SPPL2B: variants seen among roughly 807,000 people sequenced by gnomAD.
SPPL2B encodes the protein signal peptide peptidase like 2B, also known as signal peptide peptidase-like 2B.
In SPPL2B, 39 loss-of-function variants were observed where a neutral mutation model predicts 59.7. The ratio of observed to expected loss-of-function variants is 0.65; its 90% CI spans 0.51 to 0.85. The LOEUF is 0.85. Among genes scored for constraint, SPPL2B ranks in the 40% least tolerant of loss-of-function variants. SPPL2B has a pLI of 0.00. For synonymous variants in SPPL2B, 419 were observed against 370.8 expected (o/e 1.13, Z -1.49); for missense variants, 865 against 849.0 (o/e 1.02, Z -0.23).
chr19:2,339,441 G>T (rs1968877980), intron 5 of SPPL2B, among the ~76,000 whole-genome samples: 1 of 152,136 alleles, frequency 6.6e-6, no homozygotes, highest in South Asian at 2.1e-4. Flanking sequence ...TGTGGATGTG[G>T]CAGGTACGGG....
chr19:2,330,494 G>C (rs1314425675), intron 1 of SPPL2B: 1 of 152,450 alleles, frequency 6.6e-6, no homozygotes, highest in East Asian at 1.9e-4. Flanking sequence ...ACCAGAAGCA[G>C]CATAAGCGGG....
Position 2,337,594 on chromosome 19 carries a change from G to T in SPPL2B, c.338G>T (p.Arg113Leu). 6.3e-7 allele frequency: 1 copy of T among 1,596,580 alleles called. No homozygotes were observed. The highest frequency in any genetic ancestry group is 1.3e-5 in the African/African-American group (1 of 74,768). The change falls in exon 3 of 15, where the codon CGC becomes CTC. Residue 113 changes from arginine to leucine, a missense_variant. Transcript: ENST00000613503. ...AGGCTGGCCCAGGGCAGCGGAGCAC[G>T]CGGGCTGCTCATCGTCAGCAGGGAG... ...KVRLAQGSGARGLLIVSRERL... is the reference protein window; with the variant it reads ...KVRLAQGSGALGLLIVSRERL...
chr19:2,330,571 A>T (rs77606905), intron 1 of SPPL2B: 3 of 152,132 alleles, frequency 2.0e-5, no homozygotes, highest in African/African-American at 7.3e-5. Context: ...GCTGGAGTGT[A>T]GGGTGGAATA....
rs751747478 is a variant in SPPL2B at position 2,345,302 on chromosome 19, C to T, written c.1326C>T (p.Ser442=). The change falls in exon 13 of 15, where the codon TCC becomes TCT. Residue 442 remains serine, a synonymous_variant. Transcript: ENST00000613503. ...CHRFDIQVQS[S]RVYFVACTIA... ...GGTTTGACATCCAGGTACAGTCCTC[C>T]AGGGTATACTTCGTGGCCTGCACCA... 18 of 1,613,180 alleles carry T rather than the reference C, an allele frequency of 1.1e-5. No individual in the cohort carries two copies. Among genetic ancestry groups the T allele is most frequent in the South Asian group, 3.3e-5 (3 of 91,082 alleles).
chr19:2,336,387 G>T (rs557787758), intron 2 of SPPL2B, among the ~76,000 whole-genome samples: 2 of 152,060 alleles, frequency 1.3e-5, no homozygotes, highest in Non-Finnish European at 2.9e-5. Flanking sequence ...ATGTGTAATA[G>T]GTCTGTGTGT....
chr19:2,341,009 G>C lies in SPPL2B; in HGVS notation c.951G>C (p.Glu317Asp). ...TGGTGTGGGGCGTCTTCCGCAACGA[G>C]GACCAGTAAGTGCTGCTTCCCCCGG... The part of the protein sequence containing the change: ...VSVVWGVFRN[E>D]DQWAWVLQDA... The change falls in exon 8 of 15, where the codon GAG becomes GAC. Residue 317 changes from glutamate to aspartate, a missense_variant. Coordinates refer to ENST00000613503, the MANE Select transcript of SPPL2B (RefSeq NM_152988.3). 6.2e-7 allele frequency: 1 copy of C among 1,602,862 alleles called. No homozygotes were observed.
intron 14 of SPPL2B, among the ~76,000 whole-genome samples, chr19:2,352,471 G>A (rs1266523905): frequency 1.3e-5 from 2 of 152,170 alleles, no homozygotes; most frequent in Admixed American, 6.5e-5. Flanking sequence ...CGTCCCTGCC[G>A]CACTGGTGTG....
rs1182632571 is a variant in SPPL2B, at chr19:2,328,688, G to T, written c.-22G>T. On this transcript the variant is annotated 5_prime_UTR_variant, in exon 1 of 15. Transcript: ENST00000613503. ...CGTTGCTGGGAAACATCTGCCGTTG[G>T]TTGCGGCGGGCACCGGCCGACATGG... 3.1e-5 allele frequency: 45 copies of T among 1,436,716 alleles called. No individual in the cohort carries two copies. The highest frequency in any genetic ancestry group is 1.9e-4 in the Middle Eastern group (1 of 5,148). The allele number at this position is 1,436,716 out of a possible 1,614,324, so 89.0% of individuals were successfully genotyped here.
Position 2,345,609 on chromosome 19 carries a change from C to G in SPPL2B, c.1354+279C>G, listed in dbSNP as rs1488370430. 2.0e-5 allele frequency among the ~76,000 whole-genome samples: 3 copies of G among 150,648 alleles called. No individual in the cohort carries two copies. In the Admixed American group the frequency reaches 2.0e-4, roughly 10 times the overall value. On this transcript the variant is annotated intron_variant, in intron 13 of 14. Transcript: ENST00000613503. ...TCTTCCTGGGCCTGTGCCTCTGTCC[C>G]CATCTTCCTCATTCTTCCTGGGCCC...
intron 9 of SPPL2B, among the ~76,000 whole-genome samples, chr19:2,343,632 G>A (rs12610598): frequency 0.096 from 14,683 of 152,164 alleles, 798 homozygotes; most frequent in Middle Eastern, 0.16. Flanking sequence ...CTGCACTCCC[G>A]TGAGGGCCCC....
chr19:2,347,541 C>T (rs1370662832), intron 13 of SPPL2B, among the ~76,000 whole-genome samples: 1 of 3,134 alleles, frequency 3.2e-4, no homozygotes, highest in Non-Finnish European at 4.3e-4. Flanking sequence ...CACACACTCA[C>T]GCGCTCTCAT....
chr19:2,335,542 G>T (rs1340777604), intron 2 of SPPL2B, among the ~76,000 whole-genome samples: 1 of 142,838 alleles, frequency 7.0e-6, no homozygotes, highest in Non-Finnish European at 1.5e-5. Context: ...CATCCCTCAG[G>T]CCCTGCCTCC....
At chr19:2,336,009 T>C (rs11878710) in intron 2 of SPPL2B, among the ~76,000 whole-genome samples, 14,685 of 152,298 alleles carry the variant, frequency 0.096, 798 homozygotes, top group Middle Eastern at 0.16. Context: ...ATGTAATAGG[T>C]ATGTGAACAC....
chr19:2,351,176 C>T (rs1012801179), intron 13 of SPPL2B, among the ~76,000 whole-genome samples: 1 of 152,212 alleles, frequency 6.6e-6, no homozygotes, highest in South Asian at 2.1e-4. Context: ...CCCTGTCCCT[C>T]TCCTTGCCCT....
rs761709849 is a variant in SPPL2B at position 2,339,809 on chromosome 19, A to G, written c.600-15A>G. Reference sequence around the variant, plus strand: ...GCCGGCCCCAGGGCCCCACGACCCCATGGTGTCTCCCAAGAAGGTACATGA... The same window carrying G: ...GCCGGCCCCAGGGCCCCACGACCCCGTGGTGTCTCCCAAGAAGGTACATGA... On this transcript the variant is annotated splice_polypyrimidine_tract_variant and intron_variant, in intron 5 of 14. Coordinates refer to ENST00000613503, the MANE Select transcript of SPPL2B (RefSeq NM_152988.3). 6.2e-7 allele frequency: 1 copy of G among 1,602,664 alleles called. No individual in the cohort carries two copies. Among genetic ancestry groups the G allele is most frequent in the Non-Finnish European group, 8.5e-7 (1 of 1,174,986 alleles).
chr19:2,349,772 A>C lies in SPPL2B; in HGVS notation c.1355-1662A>C, dbSNP rs534339704. On this transcript the variant is annotated intron_variant, in intron 13 of 14. Coordinates refer to ENST00000613503, the MANE Select transcript of SPPL2B (RefSeq NM_152988.3). The stretch of plus-strand genomic sequence containing the variant: ...ACACACATGCGCTCTCATTTGCTTG[A>C]TTCCGTTCTCTCTCCACACACACTC... Among the ~76,000 whole-genome samples, 117 of 125,668 alleles carry C rather than the reference A, an allele frequency of 9.3e-4. 6 individuals carry two copies. Among genetic ancestry groups the C allele is most frequent in the African/African-American group, 3.9e-3 (112 of 28,700 alleles). The allele number at this position is 125,668 out of a possible 152,430, so 82.4% of individuals were successfully genotyped here. A position where few individuals can be genotyped will look rare whatever the true frequency, so the allele number is the denominator to read the frequency against.
chr19:2,341,718 AT>A (rs1453433162), intron 8 of SPPL2B: 1 of 415,554 alleles, frequency 2.4e-6, no homozygotes, highest in Middle Eastern at 3.4e-4. Flanking sequence ...ATGTGAAAAT[AT>A]TTTGAATCCT....
rs1314654368 is a variant in SPPL2B, at chr19:2,340,901, C to T, written c.843C>T (p.Ile281=). 3.2e-6 allele frequency: 5 copies of T among 1,586,926 alleles called. No individual in the cohort carries two copies. In the African/African-American group the frequency reaches 5.4e-5, roughly 17 times the overall value. ...VRRLPFGKCR[I]PNNSLPYFHK... is the part of the protein sequence containing the mutation. ...CTGACTGCCCCGTGCCCCCCAGGAT[C>T]CCCAACAACAGCCTGCCCTACTTCC... The change falls in exon 8 of 15, where the codon ATC becomes ATT. Residue 281 remains isoleucine, a synonymous_variant. Coordinates refer to ENST00000613503, the MANE Select transcript of SPPL2B (RefSeq NM_152988.3).
chr19:2,336,896 TGG>T (rs1328072935), intron 2 of SPPL2B, among the ~76,000 whole-genome samples: 7 of 115,288 alleles, frequency 6.1e-5, no homozygotes, highest in African/African-American at 1.8e-4. Flanking sequence ...GGTCTGGCTG[TGG>T]GTGTGTGTGT....
Sources: allele counts gnomAD v4.1 joint callset (sites outside exome capture counted in the v4.1 genomes callset), GRCh38; gene constraint gnomAD v4.1.1; transcripts MANE v1.5; gene names NCBI Gene and HGNC (gene_info 2026-07-23, HGNC 2026-07-21).